The following SRPX variants were observed in gnomAD, a reference collection of about 807,000 sequenced individuals.
SRPX encodes sushi repeat-containing protein SRPX.
In SRPX, 24 loss-of-function variants were observed where a neutral mutation model predicts 38.1. The observed-to-expected ratio is 0.63, with a 90% CI of 0.46 to 0.89. The LOEUF (loss-of-function observed/expected upper bound fraction) is 0.89, where lower values mean the gene tolerates loss of function less well. Among genes scored for constraint, SRPX ranks in the 40% least tolerant of loss-of-function variants. The probability of loss-of-function intolerance (pLI) is 0.00; values close to 1 mark genes in which losing one functional copy is unlikely to be tolerated. For synonymous variants in SRPX, 184 were observed against 153.8 expected (o/e 1.20, Z -1.45); for missense variants, 416 against 377.8 (o/e 1.10, Z -0.84).
chrX:38,218,884 G>T (rs895481362), intron 1 of SRPX, among the ~76,000 whole-genome samples: 4 of 111,531 alleles, frequency 3.6e-5, no homozygotes, highest in African/African-American at 1.3e-4. Flanking sequence ...ATTGAGCCAT[G>T]CCAAAAGGAG....
At chrX:38,153,302 C>CTTTTTTTTTTTTTTTTTTTTTTTTTTTTT (rs58888978) in intron 9 of SRPX, among the ~76,000 whole-genome samples, 4 of 54,722 alleles carry the variant, frequency 7.3e-5, no homozygotes, top group Middle Eastern at 0.014. Flanking sequence ...TTCTTTCTTT[C>CTTTTTTTTTTTTTTTTTTTTTTTTTTTTT]TTTTTTTTTT....
intron 9 of SRPX, among the ~76,000 whole-genome samples, chrX:38,152,529 G>A (rs887097492): frequency 1.8e-4 from 20 of 112,174 alleles, no homozygotes; most frequent in African/African-American, 5.5e-4. Context: ...AGCCTACAGT[G>A]TAGACTCCAG....
chrX:38,195,968 T>A (rs925902447), intron 1 of SRPX, among the ~76,000 whole-genome samples: 8 of 111,921 alleles, frequency 7.1e-5, no homozygotes, highest in African/African-American at 2.6e-4. Context: ...TTATTCTTCA[T>A]AATCACTGAA....
chrX:38,151,824 C>T (rs1484714241), intron 9 of SRPX, among the ~76,000 whole-genome samples: 3 of 111,345 alleles, frequency 2.7e-5, no homozygotes, highest in Non-Finnish European at 5.7e-5. Context: ...TTCCAGGGAA[C>T]ACTGTAGACT....
At chrX:38,185,314 T>G (rs1244017296) in intron 1 of SRPX, among the ~76,000 whole-genome samples, 1 of 112,067 alleles carries the variant, frequency 8.9e-6, no homozygotes, top group African/African-American at 3.2e-5. Flanking sequence ...TACTGCAGAT[T>G]TGGATGTTTA....
At chrX:38,213,174 G>C (rs1041686924) in intron 1 of SRPX, among the ~76,000 whole-genome samples, 1 of 112,046 alleles carries the variant, frequency 8.9e-6, no homozygotes. Context: ...CAAATCTATA[G>C]AGGCAGAAAA....
intron 9 of SRPX, among the ~76,000 whole-genome samples, chrX:38,153,302 C>CTTTTTTTTTTTTTT (rs58888978): frequency 6.4e-4 from 35 of 54,727 alleles, no homozygotes; most frequent in Non-Finnish European, 8.0e-4. Flanking sequence ...TTCTTTCTTT[C>CTTTTTTTTTTTTTT]TTTTTTTTTT....
chrX:38,152,307 C>T (rs1938031964), intron 9 of SRPX, among the ~76,000 whole-genome samples: 1 of 112,317 alleles, frequency 8.9e-6, no homozygotes, highest in South Asian at 3.7e-4. Context: ...GTGATCATTT[C>T]TGTATGACAT....
intron 1 of SRPX, among the ~76,000 whole-genome samples, chrX:38,204,522 CCCT>C (rs1939175895): frequency 8.9e-6 from 1 of 112,167 alleles, no homozygotes; most frequent in Non-Finnish European, 1.9e-5. Context: ...TTTTTAAAAA[CCCT>C]GTGTGTTCTT....
rs569851882 is a variant in SRPX at position 38,205,532 on chromosome X, G to A, written c.97+15164C>T. Among the ~76,000 whole-genome samples, 4 of 111,449 alleles carry A rather than the reference G, an allele frequency of 3.6e-5. No individual in the cohort carries two copies. In the East Asian group the frequency reaches 8.4e-4, roughly 23 times the overall value. On this transcript the variant is annotated intron_variant, in intron 1 of 9. Transcript: ENST00000378533. ...ATACCTTTTATAGACCATGCTTTTG[G>A]TGTCATATTCAAGAAATCTCTGCCT...
At chrX:38,194,863 G>GTTTTTTTTTTTTTTT (rs35179239) in intron 1 of SRPX, among the ~76,000 whole-genome samples, 3 of 53,667 alleles carry the variant, frequency 5.6e-5, no homozygotes, top group Admixed American at 2.4e-4. Flanking sequence ...TTTGTTTTTG[G>GTTTTTTTTTTTTTTT]TTTTTTTTTT....
At chrX:38,167,394 C>T (rs1168501833) in intron 4 of SRPX, among the ~76,000 whole-genome samples, 1 of 111,277 alleles carries the variant, frequency 9.0e-6, no homozygotes. Context: ...CCTGACACAT[C>T]CTCAAGCAGC....
intron 8 of SRPX, among the ~76,000 whole-genome samples, chrX:38,154,819 G>A (rs1938100393): frequency 8.9e-6 from 1 of 111,889 alleles, no homozygotes; most frequent in African/African-American, 3.2e-5. Context: ...GAAAACCTAA[G>A]CAAAAGGGCA....
At chrX:38,174,559 C>T (rs1167533637) in intron 2 of SRPX, among the ~76,000 whole-genome samples, 1 of 111,348 alleles carries the variant, frequency 9.0e-6, no homozygotes, top group Non-Finnish European at 1.9e-5. Flanking sequence ...CTGAGTTCCT[C>T]TATAACTGAC....
chrX:38,156,954 A>T lies in SRPX; in HGVS notation c.1031T>A (p.Ile344Asn). The change falls in exon 8 of 10, where the codon ATT (isoleucine) becomes AAT (asparagine). Residue 344 changes from isoleucine to asparagine, a missense_variant. Transcript: ENST00000378533. Reference protein sequence around the residue: ...DQFYEKRRLLIVSTPTARNLL... With the variant: ...DQFYEKRRLLNVSTPTARNLL... ...GTTTCGGGCTGTGGGTGTGGACACA[A>T]TGAGGAGTCTCCTTTTCTCATAAAA... The T allele has an allele frequency of 8.3e-7, 1 of 1,211,390 alleles. No homozygotes were observed. Among genetic ancestry groups the T allele is most frequent in the Non-Finnish European group, 1.1e-6 (1 of 895,376 alleles).
chrX:38,164,618 C>A, intron 5 of SRPX, 151 bp downstream of exon 5: 4 of 523,609 alleles, frequency 7.6e-6, no homozygotes, highest in Non-Finnish European at 1.2e-5. Context: ...TCAACAAATA[C>A]ATAGGTGACA....
In SRPX at chrX:38,190,996, A is replaced by G. The variant is rs184448991; in HGVS notation, c.98-12652T>C. 9.0e-5 allele frequency among the ~76,000 whole-genome samples: 10 copies of G among 111,725 alleles called. No homozygotes were observed. The Admixed American group carries it at 9.5e-4, about 11-fold the overall frequency. On this transcript the variant is annotated intron_variant, in intron 1 of 9. Coordinates refer to ENST00000378533, the MANE Select transcript of SRPX (RefSeq NM_006307.5). Reference sequence around the variant, plus strand: ...AGCCCTGAAGCTGCCAACGACAAAGATTAAATCTCATACAGAATGCTAATT... The same window carrying G: ...AGCCCTGAAGCTGCCAACGACAAAGGTTAAATCTCATACAGAATGCTAATT...
chrX:38,164,636 T>G, intron 5 of SRPX, 133 bp downstream of exon 5: 1 of 605,306 alleles, frequency 1.7e-6, no homozygotes, highest in Non-Finnish European at 2.5e-6. Flanking sequence ...ACATATATAG[T>G]ATGTTAGGTA....
chrX:38,208,461 G>A (rs1329375648), intron 1 of SRPX, among the ~76,000 whole-genome samples: 1 of 112,091 alleles, frequency 8.9e-6, no homozygotes, highest in African/African-American at 3.2e-5. Context: ...TGAACATTAT[G>A]TATGAGATTC....
Sources: gnomAD v4.1 joint callset for allele counts (sites outside exome capture counted in the v4.1 genomes callset) on GRCh38, gnomAD v4.1.1 for gene constraint, MANE v1.5 for transcripts, NCBI Gene and HGNC (gene_info 2026-07-23, HGNC 2026-07-21) for gene names.